ZNF692: variants seen among roughly 807,000 people sequenced by gnomAD.
The protein encoded by ZNF692 is zinc finger protein 692.
ZNF692 carries 41 observed loss-of-function variants against 49.0 expected under a neutral mutation model. The observed-to-expected ratio is 0.84, with a 90% CI of 0.65 to 1.08. The LOEUF is 1.08. Among genes scored for constraint, ZNF692 ranks in the 50% least tolerant of loss-of-function variants. ZNF692 has a pLI of 0.00. For missense variants in ZNF692, 662 were observed against 662.2 expected (o/e 1.00, Z 0.00); for synonymous variants, 288 against 251.5 (o/e 1.15, Z -1.37).
chr1:248,851,414 C>A (rs887834941), intron 10 of ZNF692, among the ~76,000 whole-genome samples: 1 of 152,048 alleles, frequency 6.6e-6, no homozygotes, highest in African/African-American at 2.4e-5. Flanking sequence ...GTGGCAGCAG[C>A]TCTCACAGGC....
rs1558264125 is a variant in ZNF692, at chr1:248,858,866, T to C, written c.-13+52A>G. The C allele has an allele frequency of 2.6e-6, 1 of 380,448 alleles. No homozygotes were observed. Among genetic ancestry groups the C allele is most frequent in the South Asian group, 2.8e-5 (1 of 36,282 alleles). 23.6% of individuals were successfully genotyped at this position (380,448 alleles called of 1,614,324 possible). On this transcript the variant is annotated intron_variant, in intron 1 of 11. Coordinates refer to ENST00000306601, the MANE Select transcript of ZNF692 (RefSeq NM_017865.4). This position sits in a 1 kb window ranked among gnomAD's most constrained non-coding sequence, Gnocchi z 4.3. ...TGGAGCGGACTAATCCCAATGGCAG[T>C]TCCCAGGCTGCCCAGAGCCCCCGTC... is the stretch of plus-strand genomic sequence containing the variant.
intron 10 of ZNF692, among the ~76,000 whole-genome samples, chr1:248,851,875 C>T (rs1182627544): frequency 6.6e-6 from 1 of 152,232 alleles, no homozygotes; most frequent in Non-Finnish European, 1.5e-5. Flanking sequence ...ATGATAATCC[C>T]ATGATTCCAG....
intron 9 of ZNF692, 107 bp from the exon 10 acceptor site, chr1:248,854,158 C>A: frequency 1.3e-6 from 1 of 792,704 alleles, no homozygotes; most frequent in South Asian, 1.5e-5. Flanking sequence ...TGTCCCCTTC[C>A]TGGCCCCTGT....
Position 248,850,383 on chromosome 1 carries a change from C to A in ZNF692, c.1387G>T (p.Val463Phe), listed in dbSNP as rs754936431. The A allele has an allele frequency of 5.6e-6, 9 of 1,614,142 alleles. No homozygotes were observed. Among genetic ancestry groups the A allele is most frequent in the Non-Finnish European group, 7.6e-6 (9 of 1,180,024 alleles). Residue 463 changes from valine to phenylalanine, a missense_variant, in exon 12 of 12, where the codon GTT becomes TTT. By Grantham distance (50) the Val-to-Phe change is conservative. Transcript: ENST00000306601. ...TGACTTTTGCTACGGTGGGCTGCAA[C>A]ACTGTCTGGCTTCTCAAAGCGCTTG... ...CGKRFEKPDS[V>F]AAHRSKSHPA...
chr1:248,852,906 C>T (rs552387727), intron 10 of ZNF692, among the ~76,000 whole-genome samples: 34 of 152,320 alleles, frequency 2.2e-4, no homozygotes, highest in African/African-American at 7.5e-4. Flanking sequence ...CACCCATATG[C>T]TCATGACCCA....
intron 11 of ZNF692, 69 bp from the exon 12 acceptor site, chr1:248,850,585 C>T (rs1177754120): frequency 3.8e-6 from 6 of 1,593,238 alleles, no homozygotes; most frequent in Non-Finnish European, 5.1e-6. Context: ...GGGGGTTCCT[C>T]CTGCTCCCCA....
rs781131409 is a variant in ZNF692 at position 248,850,292 on chromosome 1, G to C, written c.1478C>G (p.Ser493Cys). 1 of 1,610,246 alleles carries C rather than the reference G, an allele frequency of 6.2e-7. No homozygotes were observed. The highest frequency in any genetic ancestry group is 2.2e-5 in the East Asian group (1 of 44,778). ...SGPLEPCPSI[S>C]APGPLGSSEG... ...GCTGGATCCCAGAGGCCCAGGGGCAGAGATGCTGGGACAGGGCTCTAGGGG... is the reference window on the plus strand; with the variant it reads ...GCTGGATCCCAGAGGCCCAGGGGCACAGATGCTGGGACAGGGCTCTAGGGG... The change falls in exon 12 of 12, where the codon TCT becomes TGT. Residue 493 changes from serine to cysteine, a missense_variant. Coordinates refer to ENST00000306601, the MANE Select transcript of ZNF692 (RefSeq NM_017865.4).
At position 248,855,748 on chromosome 1, in the gene ZNF692, G is replaced by A; in HGVS notation, c.858C>T (p.Ala286=). ...QPQLSRTPQA[A]QQTEALASTG... ...ACCTGGCCAGGGCCTCAGTCTGCTG[G>A]GCCGCTTGAGGGGTCCTGCTGAGCT... The change falls in exon 7 of 12, where the codon GCC becomes GCT. Residue 286 remains alanine, a synonymous_variant. Coordinates refer to ENST00000306601, the MANE Select transcript of ZNF692 (RefSeq NM_017865.4). 2 of 1,614,226 alleles carry A rather than the reference G, an allele frequency of 1.2e-6. No individual in the cohort carries two copies. Among genetic ancestry groups the A allele is most frequent in the Non-Finnish European group, 1.7e-6 (2 of 1,180,048 alleles).
chr1:248,856,654 CTCT>C, intron 4 of ZNF692, 92 bp from the exon 5 acceptor site: 1 of 1,505,762 alleles, frequency 6.6e-7, no homozygotes, highest in Non-Finnish European at 9.2e-7. Context: ...TGGGAGACTC[CTCT>C]TTTTTTTTTA....
chr1:248,857,185 A>C, intron 4 of ZNF692, 49 bp downstream of exon 4: 2 of 1,538,732 alleles, frequency 1.3e-6, no homozygotes, highest in African/African-American at 1.4e-5. Context: ...AGAAAATGGG[A>C]AACGTTTTTC....
intron 6 of ZNF692, 110 bp downstream of exon 6, chr1:248,856,178 C>T (rs1025352925): frequency 8.0e-6 from 12 of 1,492,782 alleles, no homozygotes; most frequent in Non-Finnish European, 4.5e-6. Context: ...CCAAAACCCA[C>T]CCTTCCCTCC....
chr1:248,853,039 C>T (rs981823326), intron 10 of ZNF692, among the ~76,000 whole-genome samples: 7 of 152,206 alleles, frequency 4.6e-5, no homozygotes, highest in African/African-American at 1.7e-4. Context: ...CCCTTGTTTT[C>T]AGAAAAATCA....
intron 2 of ZNF692, 35 bp from the exon 3 acceptor site, chr1:248,857,894 G>A: frequency 6.2e-7 from 1 of 1,611,236 alleles, no homozygotes; most frequent in Non-Finnish European, 8.5e-7. Context: ...CAGGACTCAG[G>A]TGGCCAGCCA....
rs1558257080 is a variant in ZNF692, at chr1:248,856,325, CA to C, written c.621del (p.Ser207ArgfsTer57). 1.2e-6 allele frequency: 2 copies of C among 1,607,640 alleles called. No homozygotes were observed. Among genetic ancestry groups the C allele is most frequent in the Non-Finnish European group, 8.5e-7 (1 of 1,176,570 alleles). ...GAGCTGTAGGTCCATAAGCTGGCAT[CA>C]CTGAGCATCTCCTCTTCATCCTCAT... ...DNDEDEEEML[S>X]DASLWTYSSS... On this transcript the variant is annotated frameshift_variant, in exon 6 of 12. Transcript: ENST00000306601. LOFTEE classifies it high-confidence loss of function.
In ZNF692 at chr1:248,858,614, GAC is replaced by G. The variant is rs1660534929; in HGVS notation, c.-12-295_-12-294del. ...GTGGAGCTGTGGGGAAGGGGCGAGAGACTTTCACGGGAAATTTCAACTGGGCT... is the reference window on the plus strand; with the variant it reads ...GTGGAGCTGTGGGGAAGGGGCGAGAGTTTCACGGGAAATTTCAACTGGGCT... On this transcript the variant is annotated intron_variant, in intron 1 of 11. Transcript: ENST00000306601. This position sits in a 1 kb window ranked among gnomAD's most constrained non-coding sequence, Gnocchi z 4.3. 2 of 1,500,552 alleles carry G rather than the reference GAC, an allele frequency of 1.3e-6. No individual in the cohort carries two copies. The allele number at this position is 1,500,552 out of a possible 1,614,324, so 93.0% of individuals were successfully genotyped here.
Position 248,850,171 on chromosome 1 carries a change from C to T in ZNF692, c.*39G>A, listed in dbSNP as rs1270783766. On this transcript the variant is annotated 3_prime_UTR_variant, in exon 12 of 12. Transcript: ENST00000306601. ...TCTCCTTGTTGCTCCTTTTCAGTCC[C>T]TGGAGTCTGGCTTCCCAAAGCCAAA... 2.7e-6 allele frequency: 4 copies of T among 1,508,996 alleles called. No individual in the cohort carries two copies. The highest frequency in any genetic ancestry group is 8.9e-7 in the Non-Finnish European group (1 of 1,129,688). The allele number at this position is 1,508,996 out of a possible 1,614,324, so 93.5% of individuals were successfully genotyped here. A position where few individuals can be genotyped will look rare whatever the true frequency, so the allele number is the denominator to read the frequency against.
intron 10 of ZNF692, 31 bp downstream of exon 10, chr1:248,853,906 C>G (rs1165592362): frequency 1.9e-5 from 30 of 1,564,808 alleles, no homozygotes; most frequent in Non-Finnish European, 2.6e-5. Flanking sequence ...GTAAAAGGTC[C>G]CACAGAGGAA....
In ZNF692 at chr1:248,858,296, G is replaced by T. The variant is rs200365275; in HGVS notation, c.14C>A (p.Pro5Gln). 3.2e-6 allele frequency: 5 copies of T among 1,567,548 alleles called. No homozygotes were observed. The highest frequency in any genetic ancestry group is 4.3e-6 in the Non-Finnish European group (5 of 1,152,456). MASS[P>Q]AVDVSCRRRE... ...CCGCCTGCAGGACACGTCCACCGCC[G>T]GGGAGGAAGCCATGTGCACCAGAGG... The change falls in exon 2 of 12, where the codon CCG (proline) becomes CAG (glutamine). Residue 5 changes from proline to glutamine, a missense_variant. By Grantham distance (76) the Pro-to-Gln change is moderately conservative. Transcript: ENST00000306601. The surrounding 1 kb of genome is among the most constrained non-coding windows in gnomAD (Gnocchi z 4.3).
At chr1:248,854,380 C>A in intron 9 of ZNF692, 1 of 236,718 alleles carries the variant, frequency 4.2e-6, no homozygotes, top group Non-Finnish European at 8.4e-6. Flanking sequence ...TGGGTGACAC[C>A]CCTGGTTCAC....
Sources: gnomAD v4.1 joint callset for allele counts (sites outside exome capture counted in the v4.1 genomes callset) on GRCh38, gnomAD v4.1.1 for gene constraint, Gnocchi (gnomAD v3.1) non-coding constraint, MANE v1.5 for transcripts, NCBI Gene and HGNC (gene_info 2026-07-23, HGNC 2026-07-21) for gene names.